OXTR: variants seen among roughly 807,000 people sequenced by gnomAD.
The protein encoded by OXTR is oxytocin receptor.
Under a neutral mutation model 23.9 loss-of-function variants are expected in OXTR, and 19 were observed. That is an observed-to-expected ratio of 0.80 (90% CI 0.56 to 1.17). The LOEUF is 1.17. Ranked by LOEUF, OXTR falls within the 50% of genes most tolerant of loss-of-function variation. The pLI, the probability that OXTR is intolerant of heterozygous loss-of-function variation, is 0.00. For missense variants in OXTR, 500 were observed against 550.7 expected (o/e 0.91, Z 0.92); for synonymous variants, 278 against 250.5 (o/e 1.11, Z -1.04).
chr3:8,760,188 C>T (rs1055239443), intron 3 of OXTR, among the ~76,000 whole-genome samples: 6 of 152,192 alleles, frequency 3.9e-5, no homozygotes, highest in Admixed American at 3.9e-4. Context: ...CTTCAGAAAC[C>T]TGAGATTCTG....
the OXTR span, among the ~76,000 whole-genome samples, chr3:8,745,293 A>G: frequency 2.6e-5 from 4 of 152,282 alleles, no homozygotes; most frequent in East Asian, 5.8e-4. The surrounding 1 kb of genome is among the most constrained non-coding windows in gnomAD (Gnocchi z 4.8). Context: ...TGCCAGCACC[A>G]TGATTCCTGC....
intron 3 of OXTR, among the ~76,000 whole-genome samples, chr3:8,754,131 A>G (rs1343932518): frequency 6.6e-6 from 1 of 152,200 alleles, no homozygotes; most frequent in Non-Finnish European, 1.5e-5. Context: ...AAAGAAAGTG[A>G]CATGGAAGTT....
the OXTR span, chr3:8,742,683 T>C: frequency 9.0e-6 from 3 of 331,628 alleles, no homozygotes; most frequent in Admixed American, 7.6e-5. Context: ...CAAGAGGTAG[T>C]GTGCCTGGGC....
At chr3:8,748,928 C>T (rs1422574679), downstream of OXTR, among the ~76,000 whole-genome samples, 1 of 152,060 alleles carries the variant, frequency 6.6e-6, no homozygotes, top group African/African-American at 2.4e-5. Context: ...TCAGAGTTTC[C>T]ACGTTCACTT....
At chr3:8,745,228 C>G in the OXTR span, among the ~76,000 whole-genome samples, 1 of 152,122 alleles carries the variant, frequency 6.6e-6, no homozygotes, top group Admixed American at 6.5e-5. The surrounding 1 kb of genome is among the most constrained non-coding windows in gnomAD (Gnocchi z 4.8). Flanking sequence ...CGCCTGCTCT[C>G]CCTTCTCTAG....
At chr3:8,745,930 A>G, downstream of OXTR, 15 of 1,363,832 alleles carry the variant, frequency 1.1e-5, no homozygotes, top group Non-Finnish European at 1.4e-5. The surrounding 1 kb of genome is among the most constrained non-coding windows in gnomAD (Gnocchi z 4.8). Flanking sequence ...TCCCCGGGGG[A>G]CTTCTTCACA....
chr3:8,755,028 TTG>T (rs1211195377), intron 3 of OXTR, among the ~76,000 whole-genome samples: 15 of 147,778 alleles, frequency 1.0e-4, no homozygotes, highest in Non-Finnish European at 2.2e-4. Context: ...AAAAAATATT[TTG>T]TTAAGAAATT....
the OXTR span, among the ~76,000 whole-genome samples, chr3:8,743,468 T>C: frequency 2.6e-5 from 4 of 152,166 alleles, no homozygotes; most frequent in Non-Finnish European, 4.4e-5. Context: ...AGGCCCATTT[T>C]CTTCCTCTCC....
At chr3:8,754,861 A>C (rs11706648) in intron 3 of OXTR, among the ~76,000 whole-genome samples, 45,084 of 152,142 alleles carry the variant, frequency 0.3, 7,363 homozygotes, top group South Asian at 0.39. Context: ...TTGGAACAAG[A>C]GCAAGCTACG....
intron 3 of OXTR, among the ~76,000 whole-genome samples, chr3:8,757,456 A>G (rs1332879186): frequency 6.6e-6 from 1 of 151,936 alleles, no homozygotes; most frequent in East Asian, 1.9e-4. Flanking sequence ...AAAAACAAAA[A>G]AAATCAAACC....
At position 8,758,052 on chromosome 3, in the gene OXTR, G is replaced by C. The variant is rs1025073266; in HGVS notation, c.923-4828C>G. ...AAGTGCAGTCTCTTGTGTGCCAAGC[G>C]GGGGACATGAGCAGAAACAGCCACA... On this transcript the variant is annotated intron_variant, in intron 3 of 3. Coordinates refer to ENST00000316793, the MANE Select transcript of OXTR (RefSeq NM_000916.4). Among the ~76,000 whole-genome samples the C allele has an allele frequency of 3.3e-5, 5 of 152,232 alleles. No homozygotes were observed. In the East Asian group the frequency reaches 5.8e-4, roughly 18 times the overall value.
chr3:8,754,668 T>G (rs141355602), intron 3 of OXTR, among the ~76,000 whole-genome samples: 1 of 152,314 alleles, frequency 6.6e-6, no homozygotes, highest in East Asian at 1.9e-4. Context: ...TTGGTAAGTC[T>G]ACATGAGTGG....
downstream of OXTR, among the ~76,000 whole-genome samples, chr3:8,748,644 T>C (rs1306283225): frequency 6.6e-6 from 1 of 152,180 alleles, no homozygotes; most frequent in African/African-American, 2.4e-5. Flanking sequence ...CAACTTATGA[T>C]CAGCCATGTC....
the OXTR span, among the ~76,000 whole-genome samples, chr3:8,742,181 G>C: frequency 6.6e-6 from 1 of 152,094 alleles, no homozygotes; most frequent in Non-Finnish European, 1.5e-5. Flanking sequence ...TGTGGCCAAA[G>C]CTCTCTCAAT....
chr3:8,753,414 C>A (rs909812222), intron 3 of OXTR, among the ~76,000 whole-genome samples, 190 bp from the exon 4 acceptor site: 1 of 152,164 alleles, frequency 6.6e-6, no homozygotes, highest in African/African-American at 2.4e-5. Flanking sequence ...TGGACATGCC[C>A]TCAGGCTGTC....
At chr3:8,747,789 T>A (rs1276071747), downstream of OXTR, among the ~76,000 whole-genome samples, 3 of 152,218 alleles carry the variant, frequency 2.0e-5, no homozygotes, top group Non-Finnish European at 4.4e-5. Flanking sequence ...TCTCTTGAAA[T>A]CACGAGGCCA....
chr3:8,764,506 G>A (rs533847784), intron 3 of OXTR, among the ~76,000 whole-genome samples: 2 of 152,334 alleles, frequency 1.3e-5, no homozygotes, highest in Admixed American at 6.5e-5. Flanking sequence ...CTCAAGTGTG[G>A]TTCTCTTTTA....
At chr3:8,763,873 T>C (rs1708545617) in intron 3 of OXTR, among the ~76,000 whole-genome samples, 1 of 151,476 alleles carries the variant, frequency 6.6e-6, no homozygotes, top group Non-Finnish European at 1.5e-5. Context: ...GAGACTATTA[T>C]TATTAATAGT....
chr3:8,760,725 C>G (rs1708466236), intron 3 of OXTR, among the ~76,000 whole-genome samples: 2 of 152,112 alleles, frequency 1.3e-5, no homozygotes. Context: ...GATGGGAATC[C>G]GTGGAAGAAA....
Sources: allele counts gnomAD v4.1 joint callset (sites outside exome capture counted in the v4.1 genomes callset), GRCh38; gene constraint gnomAD v4.1.1; non-coding constraint Gnocchi (gnomAD v3.1); transcripts MANE v1.5; gene names NCBI Gene and HGNC (gene_info 2026-07-23, HGNC 2026-07-21).